Variants in PDLIM5 observed in about 807,000 individuals in gnomAD.
PDLIM5 encodes the protein PDZ and LIM domain protein 5.
In PDLIM5, 34 loss-of-function variants were observed where a neutral mutation model predicts 64.2. The ratio of observed to expected loss-of-function variants is 0.53; its 90% CI spans 0.40 to 0.71. PDLIM5 has a LOEUF of 0.71. Among genes scored for constraint, PDLIM5 ranks in the 30% least tolerant of loss-of-function variants. PDLIM5 has a pLI of 0.00. For missense variants in PDLIM5, 683 were observed against 733.6 expected, an observed-to-expected ratio of 0.93 and a Z score of 0.80; for synonymous variants, 253 against 269.1, an observed-to-expected ratio of 0.94 and a Z score of 0.59.
chr4:94,564,903 G>A (rs956547298), intron 3 of PDLIM5, among the ~76,000 whole-genome samples: 2 of 151,680 alleles, frequency 1.3e-5, no homozygotes, highest in Admixed American at 6.6e-5. Context: ...TGATCCGCCC[G>A]CCTCGGCCTC....
In PDLIM5 at chr4:94,666,120, C is replaced by A; in HGVS notation, c.*2053C>A. 2 of 956,760 alleles carry A rather than the reference C, an allele frequency of 2.1e-6. No homozygotes were observed. The highest frequency in any genetic ancestry group is 1.5e-5 in the South Asian group (1 of 64,994). 59.3% of individuals were successfully genotyped at this position (956,760 alleles called of 1,614,324 possible). On this transcript the variant is annotated 3_prime_UTR_variant, in exon 13 of 13. Coordinates refer to ENST00000317968, the MANE Select transcript of PDLIM5 (RefSeq NM_006457.5). The stretch of plus-strand genomic sequence containing the variant: ...GAGACAGAGCCCTAGGTCCTTCCTG[C>A]CCCATCACTCACTTACGACATCACT...
At chr4:94,563,335 G>A (rs1210331232) in intron 3 of PDLIM5, among the ~76,000 whole-genome samples, 1 of 152,178 alleles carries the variant, frequency 6.6e-6, no homozygotes, top group Non-Finnish European at 1.5e-5. Flanking sequence ...CTTGGCCTAT[G>A]TATGGCTAAA....
intron 5 of PDLIM5, among the ~76,000 whole-genome samples, chr4:94,581,473 A>G (rs1735724697): frequency 6.6e-6 from 1 of 152,186 alleles, no homozygotes. Context: ...ACTTAAAATA[A>G]CAAGGCAGAG....
At position 94,496,836 on chromosome 4, in the gene PDLIM5, T is replaced by A. The variant is rs1220515736; in HGVS notation, c.97-26888T>A. Among the ~76,000 whole-genome samples the A allele has an allele frequency of 3.3e-5, 5 of 152,284 alleles. No homozygotes were observed. In the East Asian group the frequency reaches 9.7e-4, roughly 29 times the overall value. On this transcript the variant is annotated intron_variant, in intron 2 of 12. Coordinates refer to ENST00000317968, the MANE Select transcript of PDLIM5 (RefSeq NM_006457.5). ...AATGAACTGACAATTCACTGCTAAT[T>A]TTAGGTTCCATTTGACTTAATCCTA...
chr4:94,482,996 A>T (rs1211800978), intron 2 of PDLIM5, among the ~76,000 whole-genome samples: 1 of 152,218 alleles, frequency 6.6e-6, no homozygotes, highest in Non-Finnish European at 1.5e-5. Context: ...TGGTGAATTT[A>T]TTGACTTGTG....
chr4:94,550,822 G>A (rs1187455176), intron 3 of PDLIM5, among the ~76,000 whole-genome samples: 1 of 152,012 alleles, frequency 6.6e-6, no homozygotes, highest in African/African-American at 2.4e-5. Context: ...TCATCTTCTT[G>A]TACAAGCATT....
At chr4:94,520,433 A>C (rs1729733695) in intron 2 of PDLIM5, among the ~76,000 whole-genome samples, 1 of 152,216 alleles carries the variant, frequency 6.6e-6, no homozygotes, top group South Asian at 2.1e-4. Context: ...AATGCAAGCT[A>C]TTCAGACCTG....
At chr4:94,545,995 A>G (rs902126943) in intron 3 of PDLIM5, among the ~76,000 whole-genome samples, 5 of 152,006 alleles carry the variant, frequency 3.3e-5, no homozygotes, top group Admixed American at 6.6e-5. Flanking sequence ...TGTCTATTCT[A>G]TTTGTCTTAA....
At chr4:94,473,052 G>A (rs1725016041) in intron 2 of PDLIM5, among the ~76,000 whole-genome samples, 1 of 147,630 alleles carries the variant, frequency 6.8e-6, no homozygotes, top group African/African-American at 2.5e-5. Flanking sequence ...GTTGCATGGG[G>A]CTTACATAAT....
chr4:94,452,675 A>G lies in PDLIM5; in HGVS notation c.-43+680A>G, dbSNP rs537994663. ...CTTCGGTGCGTTTTACAATAAGTGG[A>G]AAAAGGAAGGGCGTGTGGACAGGGC... On this transcript the variant is annotated intron_variant, in intron 1 of 12. Transcript: ENST00000317968. Among the ~76,000 whole-genome samples, 15 of 152,304 alleles carry G rather than the reference A, an allele frequency of 9.8e-5. No homozygotes were observed. The South Asian group carries it at 3.1e-3, about 32-fold the overall frequency.
chr4:94,597,806 A>G (rs762667990), intron 7 of PDLIM5, among the ~76,000 whole-genome samples: 1 of 152,164 alleles, frequency 6.6e-6, no homozygotes, highest in Non-Finnish European at 1.5e-5. Flanking sequence ...ACTTCTAACC[A>G]TAAACTAATT....
intron 7 of PDLIM5, among the ~76,000 whole-genome samples, chr4:94,613,011 A>G (rs978706987): frequency 8.6e-5 from 13 of 151,804 alleles, no homozygotes; most frequent in African/African-American, 2.9e-4. Flanking sequence ...AATTTTGCTT[A>G]GGAAAATATT....
intron 4 of PDLIM5, 37 bp from the exon 5 acceptor site, chr4:94,575,579 G>C (rs1372849746): frequency 7.4e-7 from 1 of 1,347,742 alleles, no homozygotes; most frequent in Non-Finnish European, 1.0e-6. Context: ...CATGTGTTTG[G>C]TGTGGTTTTG....
chr4:94,547,851 T>A (rs1284913143), intron 3 of PDLIM5, among the ~76,000 whole-genome samples: 1 of 152,188 alleles, frequency 6.6e-6, no homozygotes, highest in African/African-American at 2.4e-5. Context: ...GTGACTGCAC[T>A]CCTACATTGT....
intron 2 of PDLIM5, among the ~76,000 whole-genome samples, chr4:94,498,568 C>T (rs957100612): frequency 6.6e-6 from 1 of 152,182 alleles, no homozygotes; most frequent in Non-Finnish European, 1.5e-5. Flanking sequence ...TAATTACTTT[C>T]TATACTAACT....
At chr4:94,593,681 T>C (rs1736849289) in intron 7 of PDLIM5, among the ~76,000 whole-genome samples, 2 of 152,198 alleles carry the variant, frequency 1.3e-5, no homozygotes, top group Admixed American at 1.3e-4. Flanking sequence ...ATAGTCACAT[T>C]GTGGGTTAGG....
intron 2 of PDLIM5, among the ~76,000 whole-genome samples, chr4:94,477,938 G>A (rs1725470359): frequency 6.6e-6 from 1 of 152,168 alleles, no homozygotes. Context: ...TTTTTTAAAA[G>A]GAATGATTTC....
At chr4:94,583,577 A>C (rs1307496407) in intron 5 of PDLIM5, among the ~76,000 whole-genome samples, 1 of 152,192 alleles carries the variant, frequency 6.6e-6, no homozygotes, top group Non-Finnish European at 1.5e-5. Flanking sequence ...GAAGAAATGT[A>C]TGCTTATTTC....
Position 94,618,114 on chromosome 4 carries a change from C to A in PDLIM5, c.1031C>A (p.Thr344Lys). ...GGCAGACCAGGGGTTACCAGCCTCACAGCTGCAGCTGCCTTCAAGCCTGTA... is the reference window on the plus strand; with the variant it reads ...GGCAGACCAGGGGTTACCAGCCTCAAAGCTGCAGCTGCCTTCAAGCCTGTA... ...TSGRPGVTSL[T>K]AAAAFKPVGS... The change falls in exon 8 of 13, where the codon ACA becomes AAA. Residue 344 changes from threonine to lysine, a missense_variant. By Grantham distance (78) the Thr-to-Lys change is moderately conservative (BLOSUM62 -1). Transcript: ENST00000317968. The A allele has an allele frequency of 1.2e-6, 2 of 1,612,510 alleles. No individual in the cohort carries two copies. The highest frequency in any genetic ancestry group is 1.7e-6 in the Non-Finnish European group (2 of 1,179,136).
Sources: gnomAD v4.1 joint callset for allele counts (sites outside exome capture counted in the v4.1 genomes callset) on GRCh38, gnomAD v4.1.1 for gene constraint, MANE v1.5 for transcripts, NCBI Gene and HGNC (gene_info 2026-07-23, HGNC 2026-07-21) for gene names.